The following CTDP1 variants were observed in gnomAD, a reference collection of about 807,000 sequenced individuals.
CTDP1 encodes CTD phosphatase 1, also known as RNA polymerase II subunit A C-terminal domain phosphatase.
Under a neutral mutation model 91.8 loss-of-function variants are expected in CTDP1, and 47 were observed. That is an observed-to-expected ratio of 0.51 (90% confidence interval 0.41 to 0.65). CTDP1 has a LOEUF of 0.65. CTDP1 is among the 30% of genes least tolerant of loss of function. CTDP1 has a pLI of 0.00. For synonymous variants in CTDP1, 656 were observed against 598.5 expected, an observed-to-expected ratio of 1.10 and a Z score of -1.40; for missense variants, 1,272 against 1,373.7, an observed-to-expected ratio of 0.93 and a Z score of 1.17.
intron 4 of CTDP1, among the ~76,000 whole-genome samples, chr18:79,701,291 A>T (rs569029462): frequency 3.4e-4 from 51 of 152,086 alleles, no homozygotes; most frequent in Non-Finnish European, 6.8e-4. Context: ...CGGGTGGATC[A>T]CGAGGTCAGG....
At position 79,715,428 on chromosome 18, in the gene CTDP1, G is replaced by A. The variant is rs749615075; in HGVS notation, c.1968G>A (p.Glu656=). The part of the protein sequence containing the change: ...PTNFPIEKTR[E]HYHATALGAK... ...ACTTCCCGATAGAGAAGACGCGGGA[G>A]CATTACCACGCCACGGCGCTGGGAG... Residue 656 remains glutamate (E), a synonymous_variant, in exon 8 of 13, where the codon GAG becomes GAA. Transcript: ENST00000613122. The A allele has an allele frequency of 1.6e-5, 25 of 1,597,500 alleles. No homozygotes were observed. The South Asian group carries it at 2.8e-4, about 18-fold the overall frequency.
At chr18:79,734,842 TA>T (rs2086634501) in intron 11 of CTDP1, among the ~76,000 whole-genome samples, 1 of 152,212 alleles carries the variant, frequency 6.6e-6, no homozygotes, top group Non-Finnish European at 1.5e-5. Context: ...CCTTGTCGAG[TA>T]ACCAGATGCT....
At chr18:79,743,787 G>A (rs2086828605) in intron 12 of CTDP1, among the ~76,000 whole-genome samples, 1 of 152,218 alleles carries the variant, frequency 6.6e-6, no homozygotes, top group African/African-American at 2.4e-5. Flanking sequence ...CCCAAGAGCA[G>A]AAGCTAAGGA....
At chr18:79,744,712 A>G (rs960280458) in intron 12 of CTDP1, among the ~76,000 whole-genome samples, 7 of 152,214 alleles carry the variant, frequency 4.6e-5, no homozygotes, top group Admixed American at 3.3e-4. Context: ...ACCGGAAGTG[A>G]GAACCAACTC....
chr18:79,704,575 T>C (rs1414717895), intron 4 of CTDP1, among the ~76,000 whole-genome samples, 192 bp from the exon 5 acceptor site: 5 of 152,158 alleles, frequency 3.3e-5, no homozygotes, highest in Non-Finnish European at 7.4e-5. Context: ...GATGGGCACA[T>C]GTGTGTCTTC....
At chr18:79,699,650 T>C (rs145655534) in intron 4 of CTDP1, among the ~76,000 whole-genome samples, 2,216 of 152,270 alleles carry the variant, frequency 0.015, 23 homozygotes, top group Non-Finnish European at 0.024. Flanking sequence ...TGCACACATA[T>C]ACCTTCATGA....
intron 6 of CTDP1, among the ~76,000 whole-genome samples, chr18:79,710,815 G>T (rs2086067809): frequency 6.6e-6 from 1 of 151,034 alleles, no homozygotes; most frequent in South Asian, 2.1e-4. Flanking sequence ...CAAAGTGTTG[G>T]GATTACAGGC....
intron 1 of CTDP1, among the ~76,000 whole-genome samples, chr18:79,689,804 C>T (rs977807997): frequency 1.3e-5 from 2 of 152,174 alleles, no homozygotes; most frequent in African/African-American, 4.8e-5. Context: ...GTCTATTTAG[C>T]AGTGTAGGCT....
intron 4 of CTDP1, among the ~76,000 whole-genome samples, chr18:79,700,515 T>A (rs965835920): frequency 6.6e-6 from 1 of 152,160 alleles, no homozygotes; most frequent in Non-Finnish European, 1.5e-5. Context: ...GCCCCAACTG[T>A]CTTCAATTCT....
At chr18:79,683,853 C>G (rs2085427423) in intron 1 of CTDP1, among the ~76,000 whole-genome samples, 1 of 152,216 alleles carries the variant, frequency 6.6e-6, no homozygotes, top group African/African-American at 2.4e-5. Flanking sequence ...TCTCTTGAGG[C>G]TTGGTCGCTG....
At position 79,730,532 on chromosome 18, in the gene CTDP1, C is replaced by T. The variant is rs572146861; in HGVS notation, c.2580+1463C>T. ...CAGCAGCTTTCAGCCACCCCAAAAC[C>T]TAATCCTTTCTCTCAGAAATAAAAA... is the stretch of plus-strand genomic sequence containing the variant. On this transcript the variant is annotated intron_variant, in intron 11 of 12. Coordinates refer to ENST00000613122, the MANE Select transcript of CTDP1 (RefSeq NM_004715.5). 7.2e-5 allele frequency among the ~76,000 whole-genome samples: 11 copies of T among 152,310 alleles called. No homozygotes were observed. In the South Asian group the frequency reaches 1.9e-3, roughly 26 times the overall value.
upstream of CTDP1, chr18:79,679,380 A>T (rs189333321): frequency 2.2e-6 from 1 of 454,228 alleles, no homozygotes; most frequent in Non-Finnish European, 4.4e-6. Context: ...TAGTCCCGCG[A>T]CGTTGCGACT....
intron 2 of CTDP1, among the ~76,000 whole-genome samples, chr18:79,695,660 A>G (rs552007362): frequency 6.6e-6 from 1 of 152,304 alleles, no homozygotes; most frequent in East Asian, 1.9e-4. Flanking sequence ...CTCTAATGCC[A>G]AGTGGGAGGT....
intron 6 of CTDP1, 95 bp downstream of exon 6, chr18:79,710,531 C>CT (rs927784655): frequency 7.7e-4 from 778 of 1,012,936 alleles, no homozygotes; most frequent in Non-Finnish European, 8.8e-4. Context: ...TTCTTTTTTT[C>CT]TTTTTTTTTG....
rs868700724 is a variant in CTDP1 at position 79,745,402 on chromosome 18, C to T, written c.2748-8250C>T. 7.5e-4 allele frequency among the ~76,000 whole-genome samples: 9 copies of T among 11,924 alleles called. 1 individual carries two copies. The highest frequency in any genetic ancestry group is 2.3e-3 in the Admixed American group (3 of 1,308). 7.8% of individuals were successfully genotyped at this position (11,924 alleles called of 152,430 possible). ...GTCCCTCCCGTGCGCGTTCTGTCCC[C>T]GCGTCCCTCCCGTGCGCGTTCTGTC... On this transcript the variant is annotated intron_variant, in intron 12 of 12. Coordinates refer to ENST00000613122, the MANE Select transcript of CTDP1 (RefSeq NM_004715.5).
chr18:79,737,570 C>T (rs1481616253), intron 12 of CTDP1, among the ~76,000 whole-genome samples: 1 of 152,082 alleles, frequency 6.6e-6, no homozygotes, highest in Admixed American at 6.5e-5. Flanking sequence ...TTTGAGACAT[C>T]TTTTCTCAGG....
Position 79,695,969 on chromosome 18 carries a change from A to G in CTDP1, c.399-8A>G, listed in dbSNP as rs756913462. 1 of 1,611,506 alleles carries G rather than the reference A, an allele frequency of 6.2e-7. No individual in the cohort carries two copies. The highest frequency in any genetic ancestry group is 8.5e-7 in the Non-Finnish European group (1 of 1,179,520). Reference sequence around the variant, plus strand: ...CTGAAAGCCCTGAACCTGTCCTTGCACTTGCAGGTTGCAGAGTAAGAACGG... The same window carrying G: ...CTGAAAGCCCTGAACCTGTCCTTGCGCTTGCAGGTTGCAGAGTAAGAACGG... On this transcript the variant is annotated splice_polypyrimidine_tract_variant and splice_region_variant and intron_variant, in intron 2 of 12. Coordinates refer to ENST00000613122, the MANE Select transcript of CTDP1 (RefSeq NM_004715.5).
intron 6 of CTDP1, among the ~76,000 whole-genome samples, chr18:79,712,121 A>T (rs1407019555): frequency 6.6e-6 from 1 of 152,170 alleles, no homozygotes; most frequent in Non-Finnish European, 1.5e-5. Flanking sequence ...GCAAAAGAGA[A>T]TGAGAGGTGC....
intron 12 of CTDP1, among the ~76,000 whole-genome samples, chr18:79,745,269 C>T (rs1022219928): frequency 2.2e-5 from 3 of 134,416 alleles, no homozygotes; most frequent in Non-Finnish European, 3.3e-5. Context: ...CCCTGCGTCC[C>T]TCCCGTGCGC....
Sources: gnomAD v4.1 joint callset for allele counts (sites outside exome capture counted in the v4.1 genomes callset) on GRCh38, gnomAD v4.1.1 for gene constraint, MANE v1.5 for transcripts, NCBI Gene and HGNC (gene_info 2026-07-23, HGNC 2026-07-21) for gene names.